Variants in CELF2 observed in about 807,000 individuals in gnomAD.
The protein encoded by CELF2 is CUG triplet repeat RNA-binding protein 2.
In CELF2, 8 loss-of-function variants were observed where a neutral mutation model predicts 62.6. The observed-to-expected ratio is 0.13, with a 90% CI of 0.07 to 0.23. The LOEUF (loss-of-function observed/expected upper bound fraction) is 0.23. Among genes scored for constraint, CELF2 ranks in the 10% least tolerant of loss-of-function variants. CELF2 has a pLI of 1.00. For synonymous variants in CELF2, 258 were observed against 250.0 expected, an observed-to-expected ratio of 1.03 and a Z score of -0.30; for missense variants, 333 against 671.0, an observed-to-expected ratio of 0.50 and a Z score of 5.56.
At chr10:10,871,641 CAAG>C (rs756248201) in intron 1 of CELF2, among the ~76,000 whole-genome samples, 6 of 152,006 alleles carry the variant, frequency 3.9e-5, no homozygotes, top group African/African-American at 4.8e-5. Context: ...GGAAGGAAGA[CAAG>C]AAAGAAATCC....
At chr10:10,741,229 C>T in the CELF2 span, among the ~76,000 whole-genome samples, 1 of 151,906 alleles carries the variant, frequency 6.6e-6, no homozygotes, top group African/African-American at 2.4e-5. Flanking sequence ...GTAAAAAAAA[C>T]AGGCCGGGTG....
the CELF2 span, among the ~76,000 whole-genome samples, chr10:10,517,465 C>A: frequency 2.0e-5 from 3 of 152,188 alleles, no homozygotes; most frequent in African/African-American, 7.2e-5. Flanking sequence ...CTGGTCAGCT[C>A]CATTCATAAC....
At chr10:10,656,377 A>G in the CELF2 span, among the ~76,000 whole-genome samples, 1 of 138,614 alleles carries the variant, frequency 7.2e-6, no homozygotes, top group Non-Finnish European at 1.6e-5. Context: ...CTGGGTATAT[A>G]CCCAAAGGAC....
intron 1 of CELF2, among the ~76,000 whole-genome samples, chr10:11,141,543 T>G (rs962808546): frequency 3.9e-5 from 6 of 152,204 alleles, no homozygotes; most frequent in African/African-American, 1.4e-4. Context: ...TCTTGGAAGA[T>G]TTTTCTGGGG....
the CELF2 span, among the ~76,000 whole-genome samples, chr10:10,703,496 A>G: frequency 1.3e-5 from 2 of 152,366 alleles, no homozygotes; most frequent in South Asian, 4.1e-4. Context: ...AGGATACAGA[A>G]TATGATACTG....
At chr10:10,550,076 G>T in the CELF2 span, among the ~76,000 whole-genome samples, 5 of 152,264 alleles carry the variant, frequency 3.3e-5, no homozygotes, top group African/African-American at 1.2e-4. Flanking sequence ...ACTCTCCAAA[G>T]GCTATTAATA....
intron 1 of CELF2, among the ~76,000 whole-genome samples, chr10:11,047,211 C>G (rs770658379): frequency 6.6e-6 from 1 of 152,082 alleles, no homozygotes; most frequent in Non-Finnish European, 1.5e-5. Context: ...TATTAAAGAC[C>G]TGTAAATATC....
At chr10:11,138,795 A>C (rs895237107) in intron 1 of CELF2, among the ~76,000 whole-genome samples, 5 of 152,174 alleles carry the variant, frequency 3.3e-5, no homozygotes, top group Admixed American at 1.3e-4. Flanking sequence ...CCTCCTAAAC[A>C]ATTTATAATG....
chr10:11,020,618 C>G (rs1389410723), intron 1 of CELF2, among the ~76,000 whole-genome samples: 1 of 152,174 alleles, frequency 6.6e-6, no homozygotes. Flanking sequence ...CTAAAAGGAA[C>G]TTAAATAAAG....
At chr10:10,640,273 G>A in the CELF2 span, among the ~76,000 whole-genome samples, 2 of 152,116 alleles carry the variant, frequency 1.3e-5, no homozygotes, top group African/African-American at 2.4e-5. Context: ...TAAAGGCTTG[G>A]CTTCAGTCAG....
the CELF2 span, among the ~76,000 whole-genome samples, chr10:10,530,381 A>T: frequency 6.6e-6 from 1 of 152,226 alleles, no homozygotes; most frequent in South Asian, 2.1e-4. Flanking sequence ...CAAAATTAGG[A>T]ATGTTTTTGT....
chr10:11,054,120 G>C (rs1239066388), intron 1 of CELF2, among the ~76,000 whole-genome samples: 1 of 152,192 alleles, frequency 6.6e-6, no homozygotes. Flanking sequence ...GCTGTGACAA[G>C]TGAGATGTTG....
In CELF2 at chr10:11,099,463, C is replaced by G. The variant is rs7083068; in HGVS notation, c.75-66023C>G. Reference sequence around the variant, plus strand: ...AAATGACCTTGGGGTCGATTCTTTTCTTCTTCTGTTCGTTGGCTCTTTACG... The same window carrying G: ...AAATGACCTTGGGGTCGATTCTTTTGTTCTTCTGTTCGTTGGCTCTTTACG... On this transcript the variant is annotated intron_variant, in intron 1 of 12. Transcript: ENST00000633077. Among the ~76,000 whole-genome samples, 3 of 151,850 alleles carry G rather than the reference C, an allele frequency of 2.0e-5. No homozygotes were observed. The East Asian group carries it at 5.8e-4, about 29-fold the overall frequency.
At chr10:10,828,100 G>C (rs1182595718) in intron 1 of CELF2, among the ~76,000 whole-genome samples, 2 of 151,006 alleles carry the variant, frequency 1.3e-5, no homozygotes, top group African/African-American at 4.9e-5. Context: ...ACAGTATGAT[G>C]GTTTCTCAAA....
At chr10:10,865,057 A>G (rs928351362) in intron 1 of CELF2, among the ~76,000 whole-genome samples, 1 of 152,206 alleles carries the variant, frequency 6.6e-6, no homozygotes. Flanking sequence ...ATCTATCTTA[A>G]TAAGTGCCCT....
the CELF2 span, among the ~76,000 whole-genome samples, chr10:10,631,492 G>A: frequency 9.9e-5 from 15 of 152,126 alleles, no homozygotes; most frequent in South Asian, 3.1e-3. Flanking sequence ...GATAAAGAAC[G>A]TTTCATCCCA....
chr10:10,545,273 G>A, the CELF2 span, among the ~76,000 whole-genome samples: 3 of 152,202 alleles, frequency 2.0e-5, no homozygotes, highest in South Asian at 6.2e-4. Flanking sequence ...GTATGTATGT[G>A]TGCTGGTATG....
At chr10:11,057,652 T>TC (rs959846592) in intron 1 of CELF2, among the ~76,000 whole-genome samples, 3 of 152,208 alleles carry the variant, frequency 2.0e-5, no homozygotes, top group Admixed American at 6.5e-5. Flanking sequence ...TCTCTTTTTT[T>TC]CCCCCCGATG....
chr10:11,065,222 C>T (rs192724451), intron 1 of CELF2, among the ~76,000 whole-genome samples: 15 of 152,208 alleles, frequency 9.9e-5, no homozygotes, highest in Admixed American at 2.6e-4. Context: ...TGATGATTGC[C>T]GTGATCAAAA....
Sources: gnomAD v4.1 joint callset for allele counts (sites outside exome capture counted in the v4.1 genomes callset) on GRCh38, gnomAD v4.1.1 for gene constraint, MANE v1.5 for transcripts, NCBI Gene and HGNC (gene_info 2026-07-23, HGNC 2026-07-21) for gene names.